Variants in CTNND2 observed in about 807,000 individuals in gnomAD.
CTNND2 encodes catenin delta-2.
In CTNND2, 22 loss-of-function variants were observed where a neutral mutation model predicts 144.4. The ratio of observed to expected loss-of-function variants is 0.15; its 90% CI spans 0.11 to 0.22. The LOEUF is 0.22. Among genes scored for constraint, CTNND2 ranks in the 10% least tolerant of loss-of-function variants. CTNND2 has a pLI of 1.00. For missense variants in CTNND2, 1,353 were observed against 1,618.8 expected, an observed-to-expected ratio of 0.84 and a Z score of 2.82; for synonymous variants, 751 against 695.6, an observed-to-expected ratio of 1.08 and a Z score of -1.25.
chr5:11,082,637 C>A, intron 16 of CTNND2, 59 bp downstream of exon 16: 1 of 1,587,288 alleles, frequency 6.3e-7, no homozygotes, highest in Non-Finnish European at 8.6e-7. Flanking sequence ...ACCACACCTA[C>A]CCCTAGAGAA....
At chr5:11,017,894 A>G (rs1741796192) in intron 18 of CTNND2, 80 bp downstream of exon 18, 4 of 1,065,928 alleles carry the variant, frequency 3.8e-6, no homozygotes, top group Non-Finnish European at 5.8e-6. Flanking sequence ...GCTGTGGGAA[A>G]GTGCCCTCCA....
chr5:11,057,049 T>G (rs974747263), intron 16 of CTNND2, among the ~76,000 whole-genome samples: 5 of 152,192 alleles, frequency 3.3e-5, no homozygotes, highest in Non-Finnish European at 5.9e-5. Flanking sequence ...ACCACTATCA[T>G]TGTCCCTTGA....
chr5:11,507,727 G>A (rs1771199861), intron 3 of CTNND2, among the ~76,000 whole-genome samples: 1 of 152,212 alleles, frequency 6.6e-6, no homozygotes, highest in African/African-American at 2.4e-5. Context: ...CCCACAGCCT[G>A]GAGTTGGAGG....
intron 10 of CTNND2, among the ~76,000 whole-genome samples, chr5:11,228,123 C>T (rs1429603457): frequency 6.6e-6 from 1 of 151,876 alleles, no homozygotes; most frequent in African/African-American, 2.4e-5. Flanking sequence ...TGGTGGATCT[C>T]CTGAGGTCAG....
chr5:11,384,984 G>T lies in CTNND2; in HGVS notation c.858C>A (p.Ala286=), dbSNP rs1252480316. The part of the protein sequence containing the change: ...SPTKLQRGGS[A]PEGATYAAPR... ...GCGCGGCGTAGGTGGCGCCCTCGGG[G>T]GCCGAGCCGCCGCGCTGCAGCTTGG... Residue 286 remains alanine (A), a synonymous_variant, in exon 7 of 22, where the codon GCC becomes GCA. Coordinates refer to ENST00000304623, the MANE Select transcript of CTNND2 (RefSeq NM_001332.4). This position sits in a 1 kb window ranked among gnomAD's most constrained non-coding sequence, Gnocchi z 5.2. 6.6e-7 allele frequency: 1 copy of T among 1,525,780 alleles called. No individual in the cohort carries two copies. The allele number at this position is 1,525,780 out of a possible 1,614,324, so 94.5% of individuals were successfully genotyped here. A position where few individuals can be genotyped will look rare whatever the true frequency, so the allele number is the denominator to read the frequency against.
At chr5:11,241,931 G>C (rs900099221) in intron 9 of CTNND2, among the ~76,000 whole-genome samples, 18 of 152,110 alleles carry the variant, frequency 1.2e-4, no homozygotes, top group Non-Finnish European at 1.9e-4. Flanking sequence ...CACCGGGGGT[G>C]GGGGGTCGGT....
chr5:11,207,144 C>T (rs1738127424), intron 10 of CTNND2, among the ~76,000 whole-genome samples: 2 of 152,000 alleles, frequency 1.3e-5, no homozygotes, highest in African/African-American at 4.8e-5. Context: ...GAACAGAAAA[C>T]CAAACACTGC....
chr5:11,379,664 G>A (rs1456242556), intron 7 of CTNND2, among the ~76,000 whole-genome samples: 1 of 152,102 alleles, frequency 6.6e-6, no homozygotes, highest in Non-Finnish European at 1.5e-5. Flanking sequence ...GATAATTTTT[G>A]TATTGTCCCA....
At chr5:11,195,645 G>A (rs1736788466) in intron 11 of CTNND2, among the ~76,000 whole-genome samples, 1 of 152,236 alleles carries the variant, frequency 6.6e-6, no homozygotes, top group Admixed American at 6.5e-5. Context: ...GAGCTCTCAA[G>A]ACACGTGCTT....
In CTNND2 at chr5:11,548,859, G is replaced by A. The variant is rs139466518; in HGVS notation, c.287+16085C>T. Among the ~76,000 whole-genome samples, 331 of 151,870 alleles carry A rather than the reference G, an allele frequency of 2.2e-3. 5 individuals carry two copies. The highest frequency in any genetic ancestry group is 7.6e-3 in the African/African-American group (314 of 41,390). On this transcript the variant is annotated intron_variant, in intron 3 of 21. Transcript: ENST00000304623. ...TTCTTTATTAGTTGATTATTTATTTGTTCTGACTCCAAGATCTGCACATAA... is the reference window on the plus strand; with the variant it reads ...TTCTTTATTAGTTGATTATTTATTTATTCTGACTCCAAGATCTGCACATAA...
At chr5:11,603,881 A>G (rs1779927219) in intron 2 of CTNND2, among the ~76,000 whole-genome samples, 1 of 152,216 alleles carries the variant, frequency 6.6e-6, no homozygotes, top group South Asian at 2.1e-4. Flanking sequence ...CATATTTGAT[A>G]TCTGCTTCTC....
Position 11,903,733 on chromosome 5 carries a change from AC to A in CTNND2, c.37+83del. ...GCCGCCTGCCGGCCGGGAGCCCAGG[AC>A]CACCCCCACCAGCGGCAAGAGGAGG... is the stretch of plus-strand genomic sequence containing the variant. On this transcript the variant is annotated intron_variant, in intron 1 of 21. Coordinates refer to ENST00000304623, the MANE Select transcript of CTNND2 (RefSeq NM_001332.4). This position sits in a 1 kb window ranked among gnomAD's most constrained non-coding sequence, Gnocchi z 5.4. The A allele has an allele frequency of 7.3e-7, 1 of 1,366,598 alleles. No homozygotes were observed. The highest frequency in any genetic ancestry group is 1.4e-5 in the South Asian group (1 of 73,140). 84.7% of individuals were successfully genotyped at this position (1,366,598 alleles called of 1,614,324 possible).
At chr5:11,764,236 G>A (rs1006138579) in intron 1 of CTNND2, among the ~76,000 whole-genome samples, 1 of 152,146 alleles carries the variant, frequency 6.6e-6, no homozygotes, top group Admixed American at 6.5e-5. Context: ...AGGGAAATGG[G>A]TTCTTCTCTA....
intron 9 of CTNND2, among the ~76,000 whole-genome samples, chr5:11,299,838 C>T (rs1416932803): frequency 2.0e-5 from 3 of 152,230 alleles, no homozygotes; most frequent in Admixed American, 6.5e-5. Context: ...TCAGACTGCT[C>T]GGATCCTTAA....
chr5:11,040,206 A>T (rs1389671165), intron 16 of CTNND2, among the ~76,000 whole-genome samples: 2 of 152,176 alleles, frequency 1.3e-5, no homozygotes, highest in African/African-American at 4.8e-5. Context: ...AGATCACGCC[A>T]TTGCACTCTA....
chr5:11,629,259 AAACAAC>A (rs36078228), intron 2 of CTNND2, among the ~76,000 whole-genome samples: 3,742 of 151,892 alleles, frequency 0.025, 149 homozygotes, highest in African/African-American at 0.086. Context: ...CGGAAAAGTT[AAACAAC>A]AACAACAACA....
intron 12 of CTNND2, among the ~76,000 whole-genome samples, chr5:11,139,650 C>T (rs898110151): frequency 6.6e-5 from 10 of 152,238 alleles, no homozygotes; most frequent in African/African-American, 1.4e-4. Flanking sequence ...TGAGTGCTTG[C>T]GACCTGCCTG....
chr5:11,143,214 T>C (rs1219161104), intron 12 of CTNND2, among the ~76,000 whole-genome samples: 1 of 152,214 alleles, frequency 6.6e-6, no homozygotes, highest in African/African-American at 2.4e-5. Context: ...CCTCTTTTCC[T>C]AGCTTTATTT....
At chr5:11,680,895 C>G (rs1315718794) in intron 2 of CTNND2, among the ~76,000 whole-genome samples, 1 of 152,134 alleles carries the variant, frequency 6.6e-6, no homozygotes, top group African/African-American at 2.4e-5. Flanking sequence ...AGAGCTCCAC[C>G]ACTCACTCAC....
Sources: allele counts gnomAD v4.1 joint callset (sites outside exome capture counted in the v4.1 genomes callset), GRCh38; gene constraint gnomAD v4.1.1; non-coding constraint Gnocchi (gnomAD v3.1); transcripts MANE v1.5; gene names NCBI Gene and HGNC (gene_info 2026-07-23, HGNC 2026-07-21).